P4HA3: variants seen among roughly 807,000 people sequenced by gnomAD.
The protein encoded by P4HA3 is prolyl 4-hydroxylase subunit alpha-3.
P4HA3 carries 60 observed loss-of-function variants against 66.7 expected under a neutral mutation model. The ratio of observed to expected loss-of-function variants is 0.90; its 90% CI spans 0.73 to 1.12. P4HA3 has a LOEUF of 1.12. Among genes scored for constraint, P4HA3 ranks in the 50% most tolerant of loss-of-function variants. The probability of loss-of-function intolerance (pLI) is 0.00; values close to 1 mark genes in which losing one functional copy is unlikely to be tolerated. For missense variants in P4HA3, 683 were observed against 685.8 expected (o/e 1.00, Z 0.05); for synonymous variants, 263 against 274.6 (o/e 0.96, Z 0.42).
At chr11:74,303,845 A>G (rs2134824795) in intron 2 of P4HA3, among the ~76,000 whole-genome samples, 1 of 152,254 alleles carries the variant, frequency 6.6e-6, no homozygotes. Flanking sequence ...CAGCCTCCCA[A>G]AGTGCTGCAA....
At chr11:74,274,521 G>C (rs559011918) in intron 9 of P4HA3, among the ~76,000 whole-genome samples, 2 of 150,872 alleles carry the variant, frequency 1.3e-5, no homozygotes, top group Non-Finnish European at 2.9e-5. Flanking sequence ...CACTGTGTTA[G>C]CCAGGATGGT....
At chr11:74,285,644 T>C in intron 7 of P4HA3, 165 bp downstream of exon 7, 1 of 667,962 alleles carries the variant, frequency 1.5e-6, no homozygotes, top group South Asian at 2.1e-5. Context: ...GCAAGCACTA[T>C]TGTGATTTTT....
At chr11:74,251,293 G>A (rs966363535) in intron 15 of P4HA3, 2 of 1,360,562 alleles carry the variant, frequency 1.5e-6, no homozygotes, top group East Asian at 5.4e-5. Flanking sequence ...ACCCCCAAAA[G>A]CCAGAGATGG....
At chr11:74,262,963 AGCAG>A (rs1372645153), downstream of P4HA3, among the ~76,000 whole-genome samples, 1 of 152,238 alleles carries the variant, frequency 6.6e-6, no homozygotes. Flanking sequence ...AAGAGGGACA[AGCAG>A]GGTGGCCGCT....
At chr11:74,288,321 G>A (rs1362569365) in intron 5 of P4HA3, among the ~76,000 whole-genome samples, 1 of 152,152 alleles carries the variant, frequency 6.6e-6, no homozygotes, top group Non-Finnish European at 1.5e-5. Context: ...GATTTAAGGG[G>A]AAAAACTGAT....
In P4HA3 at chr11:74,302,501, G is replaced by T; in HGVS notation, c.435C>A (p.Asp145Glu). Residue 145 changes from aspartate to glutamate, a missense_variant, in exon 3 of 13, where the codon GAC (aspartate) becomes GAA (glutamate). Physicochemically the swap from Asp to Glu is conservative, Grantham distance 45. Coordinates refer to ENST00000331597, the MANE Select transcript of P4HA3 (RefSeq NM_182904.5). ...GGCCTTTCACATTGAGCATGTACAC[G>T]TCCTGCAGCCGCATCAGGGCCCTTG... ...GAARALMRLQ[D>E]VYMLNVKGLA... The T allele has an allele frequency of 6.2e-7, 1 of 1,614,172 alleles. No individual in the cohort carries two copies. Among genetic ancestry groups the T allele is most frequent in the Non-Finnish European group, 8.5e-7 (1 of 1,180,028 alleles).
chr11:74,255,810 A>G (rs1431120930), intron 15 of P4HA3: 6 of 387,028 alleles, frequency 1.6e-5, no homozygotes, highest in Non-Finnish European at 3.2e-5. Context: ...CAAGTGCATC[A>G]ATGTCTGAAA....
intron 1 of P4HA3, among the ~76,000 whole-genome samples, chr11:74,305,160 C>G (rs567876696): frequency 6.6e-6 from 1 of 152,216 alleles, no homozygotes; most frequent in Non-Finnish European, 1.5e-5. Context: ...GGGGACCTCT[C>G]TGCTATGAGA....
chr11:74,302,544 T>C lies in P4HA3; in HGVS notation c.392A>G (p.Glu131Gly), dbSNP rs1405184137. ...GGCCCTTGCTGCTCCCTCAAGGTCC[T>C]CAAAGGCTGGAAGGTCTTGCTCCAC... ...EKVEQDLPAF[E>G]DLEGAARALM... The change falls in exon 3 of 13, where the codon GAG (glutamate) becomes GGG (glycine). Residue 131 changes from glutamate to glycine, a missense_variant. Physicochemically the swap from Glu to Gly is moderately conservative, Grantham distance 98 (BLOSUM62 -2). Coordinates refer to ENST00000331597, the MANE Select transcript of P4HA3 (RefSeq NM_182904.5). 6.2e-7 allele frequency: 1 copy of C among 1,614,212 alleles called. No homozygotes were observed. Among genetic ancestry groups the C allele is most frequent in the South Asian group, 1.1e-5 (1 of 91,084 alleles).
intron 1 of P4HA3, among the ~76,000 whole-genome samples, chr11:74,306,174 G>A (rs1861575378): frequency 6.6e-6 from 1 of 152,148 alleles, no homozygotes; most frequent in South Asian, 2.1e-4. Context: ...GGTGATGACT[G>A]TAAAGGGGAA....
At position 74,269,716 on chromosome 11, in the gene P4HA3, C is replaced by T. The variant is rs1591088885; in HGVS notation, c.1403G>A (p.Ser468Asn). ...TGTGGCTCCTCCAGCTTCCACCGAG[C>T]TCAGCTACAAGACCAGAGGAAGAAG... ...NRVATFMIYL[S>N]SVEAGGATAF... The change falls in exon 11 of 13, where the codon AGC (serine) becomes AAC (asparagine). Residue 468 changes from serine (S) to asparagine (N), a missense_variant. Coordinates refer to ENST00000331597, the MANE Select transcript of P4HA3 (RefSeq NM_182904.5). The T allele has an allele frequency of 6.2e-7, 1 of 1,613,912 alleles. No individual in the cohort carries two copies. The highest frequency in any genetic ancestry group is 8.5e-7 in the Non-Finnish European group (1 of 1,179,888).
At chr11:74,253,693 G>A (rs1859762857) in intron 15 of P4HA3, 1 of 686,356 alleles carries the variant, frequency 1.5e-6, no homozygotes, top group African/African-American at 1.8e-5. Context: ...TGTTTTCCAG[G>A]GCCCTTGACC....
chr11:74,302,657 T>C (rs1861446570), intron 2 of P4HA3, 65 bp from the exon 3 acceptor site: 1 of 1,405,054 alleles, frequency 7.1e-7, no homozygotes, highest in African/African-American at 1.4e-5. Flanking sequence ...TTAATACATG[T>C]AAGGCATGAC....
At chr11:74,294,402 G>A (rs1195954852) in intron 4 of P4HA3, among the ~76,000 whole-genome samples, 1 of 151,926 alleles carries the variant, frequency 6.6e-6, no homozygotes, top group Non-Finnish European at 1.5e-5. Flanking sequence ...ATTTCCTCCT[G>A]TAGCTCGGAG....
intron 10 of P4HA3, among the ~76,000 whole-genome samples, chr11:74,270,417 T>C (rs1475371899): frequency 2.0e-5 from 3 of 152,212 alleles, no homozygotes; most frequent in Non-Finnish European, 1.5e-5. Context: ...TTTCTTAATG[T>C]GAAGCTTTTT....
intron 3 of P4HA3, among the ~76,000 whole-genome samples, chr11:74,302,103 T>C (rs750864375): frequency 4.6e-5 from 7 of 152,288 alleles, no homozygotes; most frequent in Non-Finnish European, 7.3e-5. Flanking sequence ...TCTAAGTATA[T>C]AAACACCTTA....
At chr11:74,265,912 A>G (rs1859983011), downstream of P4HA3, among the ~76,000 whole-genome samples, 1 of 152,220 alleles carries the variant, frequency 6.6e-6, no homozygotes, top group South Asian at 2.1e-4. Flanking sequence ...CCAAAATTAA[A>G]CAAATGAACA....
At chr11:74,296,480 A>G (rs1187365661) in intron 4 of P4HA3, among the ~76,000 whole-genome samples, 1 of 152,226 alleles carries the variant, frequency 6.6e-6, no homozygotes, top group Non-Finnish European at 1.5e-5. Context: ...CAAACCATCT[A>G]TAAGATAATG....
chr11:74,256,108 T>C, intron 15 of P4HA3: 1 of 330,834 alleles, frequency 3.0e-6, no homozygotes, highest in Non-Finnish European at 6.2e-6. Flanking sequence ...GTTATGTTCC[T>C]TTTACAGGTA....
Sources: allele counts gnomAD v4.1 joint callset (sites outside exome capture counted in the v4.1 genomes callset), GRCh38; gene constraint gnomAD v4.1.1; transcripts MANE v1.5; gene names NCBI Gene and HGNC (gene_info 2026-07-23, HGNC 2026-07-21).